The following ANK2 variants were observed in gnomAD, a reference collection of about 807,000 sequenced individuals.
ANK2 encodes ankyrin-2.
A neutral mutation model predicts 360.5 loss-of-function variants in ANK2; 83 were observed. The observed-to-expected ratio is 0.23, with a 90% confidence interval of 0.19 to 0.28. The LOEUF (loss-of-function observed/expected upper bound fraction) is 0.28, where lower values mean the gene tolerates loss of function less well. Ranked by LOEUF, ANK2 falls within the 10% of genes least tolerant of loss-of-function variation. The pLI is 1.00. For synonymous variants in ANK2, 1,740 were observed against 1,759.5 expected (o/e 0.99, Z 0.28); for missense variants, 4,201 against 4,795.7 (o/e 0.88, Z 3.66).
At chr4:112,717,276 G>T in the ANK2 span, among the ~76,000 whole-genome samples, 1 of 151,952 alleles carries the variant, frequency 6.6e-6, no homozygotes, top group African/African-American at 2.4e-5. Flanking sequence ...AATATATATT[G>T]GGCTTGTGTG....
At chr4:113,224,882 T>G (rs923780245) in intron 4 of ANK2, among the ~76,000 whole-genome samples, 2 of 151,796 alleles carry the variant, frequency 1.3e-5, no homozygotes, top group African/African-American at 2.4e-5. Context: ...TGAAGTTTTT[T>G]TTTTTTTTTT....
intron 35 of ANK2, among the ~76,000 whole-genome samples, chr4:113,346,338 G>A (rs1216071738): frequency 6.6e-6 from 1 of 152,108 alleles, no homozygotes; most frequent in Non-Finnish European, 1.5e-5. Flanking sequence ...ACTTTTTGAA[G>A]AAATTTTTAA....
chr4:113,366,232 C>G (rs910979791), intron 41 of ANK2, among the ~76,000 whole-genome samples: 1 of 152,118 alleles, frequency 6.6e-6, no homozygotes, highest in Non-Finnish European at 1.5e-5. Flanking sequence ...TCACTCTAGT[C>G]AATCTTATAA....
intron 10 of ANK2, among the ~76,000 whole-genome samples, chr4:113,251,841 A>G (rs1020937770): frequency 6.6e-6 from 1 of 152,166 alleles, no homozygotes; most frequent in African/African-American, 2.4e-5. Flanking sequence ...TAGAAAAAAA[A>G]AGATAATTAT....
At chr4:112,957,774 C>T (rs2030975808) in intron 2 of ANK2, among the ~76,000 whole-genome samples, 1 of 149,778 alleles carries the variant, frequency 6.7e-6, no homozygotes, top group Non-Finnish European at 1.5e-5. Context: ...GGCTGCCGGG[C>T]GGAGGGGCTC....
intron 1 of ANK2, among the ~76,000 whole-genome samples, chr4:113,163,874 G>A (rs1032061088): frequency 6.8e-6 from 1 of 147,280 alleles, no homozygotes; most frequent in African/African-American, 2.5e-5. Flanking sequence ...TTTTTAGTAT[G>A]TTCACAGAGT....
the ANK2 span, among the ~76,000 whole-genome samples, chr4:112,771,324 G>A: frequency 6.7e-6 from 1 of 148,336 alleles, no homozygotes; most frequent in African/African-American, 2.4e-5. Context: ...CTCCATGTTA[G>A]TCAGGCTGGT....
chr4:112,754,823 A>C, the ANK2 span, among the ~76,000 whole-genome samples: 1 of 152,184 alleles, frequency 6.6e-6, no homozygotes, highest in Non-Finnish European at 1.5e-5. Context: ...TGTAAAGACA[A>C]GAGTAGAGAT....
chr4:112,863,869 T>A (rs1257700368), intron 1 of ANK2, among the ~76,000 whole-genome samples: 2 of 152,190 alleles, frequency 1.3e-5, no homozygotes, highest in African/African-American at 4.8e-5. Flanking sequence ...GACTAACCAG[T>A]CAATTCCATT....
At chr4:113,141,173 G>A (rs1360641941) in intron 1 of ANK2, 1 of 152,124 alleles carries the variant, frequency 6.6e-6, no homozygotes, top group Admixed American at 6.5e-5. Flanking sequence ...GTGTAAGTGA[G>A]GCTAATACTC....
intron 22 of ANK2, among the ~76,000 whole-genome samples, chr4:113,301,006 G>A (rs937968712): frequency 1.3e-5 from 2 of 152,190 alleles, no homozygotes; most frequent in African/African-American, 4.8e-5. Context: ...GTTATCTACT[G>A]CTTTTGGAAA....
At chr4:113,368,556 A>G (rs577400988) in intron 42 of ANK2, among the ~76,000 whole-genome samples, 1 of 152,174 alleles carries the variant, frequency 6.6e-6, no homozygotes, top group Non-Finnish European at 1.5e-5. Context: ...AGCCAAGGAG[A>G]AAGAGTTGTT....
intron 2 of ANK2, among the ~76,000 whole-genome samples, chr4:112,956,627 A>G (rs923359179): frequency 2.0e-5 from 3 of 152,228 alleles, no homozygotes; most frequent in Admixed American, 1.3e-4. Context: ...ATTTCATCAC[A>G]CTACTCAAAA....
chr4:113,013,598 A>G (rs975213176), intron 2 of ANK2, among the ~76,000 whole-genome samples: 1 of 152,184 alleles, frequency 6.6e-6, no homozygotes, highest in South Asian at 2.1e-4. Context: ...AACATTACAT[A>G]TATCTATAGT....
chr4:112,957,570 C>T (rs1186483744), intron 2 of ANK2, among the ~76,000 whole-genome samples: 1 of 152,066 alleles, frequency 6.6e-6, no homozygotes, highest in Non-Finnish European at 1.5e-5. Flanking sequence ...AGAAGGGCTC[C>T]TCACTTCCCA....
At chr4:113,364,990 T>A (rs1404974174) in intron 40 of ANK2, 49 bp from the exon 41 acceptor site, 1 of 1,611,850 alleles carries the variant, frequency 6.2e-7, no homozygotes, top group African/African-American at 1.3e-5. Context: ...AAAGAGATTT[T>A]TAAGAGTACC....
Position 113,278,452 on chromosome 4 carries a change from CT to C in ANK2, c.1783-5del. ...ATTAATGCTGAAACTTAAACACACC[CT>C]TTACAGAACGGCCTTACCCCGCTCC... On this transcript the variant is annotated splice_region_variant and splice_polypyrimidine_tract_variant and intron_variant, in intron 16 of 45. Transcript: ENST00000357077. The C allele has an allele frequency of 6.2e-7, 1 of 1,613,644 alleles. No individual in the cohort carries two copies. The highest frequency in any genetic ancestry group is 8.5e-7 in the Non-Finnish European group (1 of 1,179,682).
At chr4:112,984,127 G>A (rs1441132408) in intron 2 of ANK2, among the ~76,000 whole-genome samples, 3 of 152,300 alleles carry the variant, frequency 2.0e-5, no homozygotes, top group African/African-American at 7.2e-5. Flanking sequence ...TGTTCATACT[G>A]TGCTTAGAAT....
intron 22 of ANK2, among the ~76,000 whole-genome samples, chr4:113,301,988 C>T (rs753619404): frequency 6.6e-6 from 1 of 152,200 alleles, no homozygotes; most frequent in Non-Finnish European, 1.5e-5. Context: ...GCATATATTA[C>T]ATCATTTAAT....
Sources: allele counts gnomAD v4.1 joint callset (sites outside exome capture counted in the v4.1 genomes callset), GRCh38; gene constraint gnomAD v4.1.1; transcripts MANE v1.5; gene names NCBI Gene and HGNC (gene_info 2026-07-23, HGNC 2026-07-21).